The following INPP4B variants were observed in gnomAD, a reference collection of about 807,000 sequenced individuals.
INPP4B encodes inositol polyphosphate-4-phosphatase type II B, also known as inositol polyphosphate 4-phosphatase type II.
A neutral mutation model predicts 122.5 loss-of-function variants in INPP4B; 55 were observed. That is an observed-to-expected ratio of 0.45 (90% CI 0.36 to 0.56). The LOEUF is 0.56. Ranked by LOEUF, INPP4B falls within the 20% of genes least tolerant of loss-of-function variation. The probability of loss-of-function intolerance (pLI) is 0.00; values close to 1 mark genes in which losing one functional copy is unlikely to be tolerated. For missense variants in INPP4B, 1,000 were observed against 1,097.7 expected (o/e 0.91, Z 1.26); for synonymous variants, 403 against 388.7 (o/e 1.04, Z -0.43).
chr4:142,253,666 C>T (rs1733803192), intron 11 of INPP4B, among the ~76,000 whole-genome samples: 1 of 152,212 alleles, frequency 6.6e-6, no homozygotes, highest in Admixed American at 6.5e-5. Context: ...AAACGGCGCA[C>T]CAGGAGATTA....
chr4:142,564,439 C>CAAAAAA (rs199803105), intron 2 of INPP4B, among the ~76,000 whole-genome samples: 453 of 97,680 alleles, frequency 4.6e-3, no homozygotes, highest in East Asian at 0.012. Flanking sequence ...TAAGGAATGG[C>CAAAAAA]AAAAAAAAAA....
intron 1 of INPP4B, among the ~76,000 whole-genome samples, chr4:142,820,092 G>T (rs989106874): frequency 6.6e-6 from 1 of 152,054 alleles, no homozygotes; most frequent in Admixed American, 6.5e-5. Context: ...GTACCTCCAG[G>T]TTAGGCTATT....
At chr4:142,420,999 A>G (rs1806758713) in intron 5 of INPP4B, among the ~76,000 whole-genome samples, 1 of 152,140 alleles carries the variant, frequency 6.6e-6, no homozygotes. Context: ...GTAAATAGTA[A>G]TATCCTTCCC....
chr4:142,837,833 A>G (rs1417879679), intron 1 of INPP4B, among the ~76,000 whole-genome samples: 1 of 152,066 alleles, frequency 6.6e-6, no homozygotes, highest in Non-Finnish European at 1.5e-5. Context: ...ACTCCTAAGA[A>G]AAATAATGAG....
At chr4:142,670,068 G>A (rs377315745) in intron 2 of INPP4B, among the ~76,000 whole-genome samples, 30 of 152,170 alleles carry the variant, frequency 2.0e-4, no homozygotes, top group East Asian at 9.7e-4. Context: ...GTTTGAAATC[G>A]CATGCTTTGT....
intron 1 of INPP4B, among the ~76,000 whole-genome samples, chr4:142,836,639 GA>G (rs1782812717): frequency 6.7e-6 from 1 of 150,342 alleles, no homozygotes; most frequent in African/African-American, 2.5e-5. Context: ...AATTATTAAA[GA>G]ATTAGATATA....
At chr4:142,422,114 A>G (rs1807025949) in intron 5 of INPP4B, among the ~76,000 whole-genome samples, 1 of 152,118 alleles carries the variant, frequency 6.6e-6, no homozygotes, top group South Asian at 2.1e-4. Flanking sequence ...GAGATATTAT[A>G]GTATGAACTC....
intron 2 of INPP4B, among the ~76,000 whole-genome samples, chr4:142,634,828 G>A (rs1220831904): frequency 1.3e-5 from 2 of 151,688 alleles, no homozygotes; most frequent in East Asian, 3.9e-4. Flanking sequence ...AATAACATAA[G>A]AAAAACAATA....
At chr4:142,131,162 T>C (rs1801058795) in intron 18 of INPP4B, among the ~76,000 whole-genome samples, 1 of 152,216 alleles carries the variant, frequency 6.6e-6, no homozygotes, top group Non-Finnish European at 1.5e-5. Context: ...AACTGTAATC[T>C]CAGGATTCTG....
At chr4:142,552,755 T>C (rs1029564146) in intron 2 of INPP4B, among the ~76,000 whole-genome samples, 2 of 152,162 alleles carry the variant, frequency 1.3e-5, no homozygotes, top group African/African-American at 4.8e-5. Context: ...TTACAGCAGC[T>C]CCACAGGTAG....
At chr4:142,063,756 G>A (rs984636329) in intron 25 of INPP4B, among the ~76,000 whole-genome samples, 2 of 152,058 alleles carry the variant, frequency 1.3e-5, no homozygotes, top group African/African-American at 4.8e-5. Context: ...CTAGTGCCAA[G>A]GTTATTAGTG....
chr4:142,534,335 A>T (rs1429033687), intron 2 of INPP4B, among the ~76,000 whole-genome samples: 2 of 152,108 alleles, frequency 1.3e-5, no homozygotes, highest in Non-Finnish European at 2.9e-5. Context: ...GTATTAAGAG[A>T]TGTTGCCTTT....
chr4:142,122,752 T>G (rs1343273445), intron 20 of INPP4B, among the ~76,000 whole-genome samples: 1 of 152,076 alleles, frequency 6.6e-6, no homozygotes. Context: ...TTTAAAAGAG[T>G]GAAATTAAAA....
chr4:142,232,817 A>G (rs1448639628), intron 12 of INPP4B, among the ~76,000 whole-genome samples: 1 of 152,096 alleles, frequency 6.6e-6, no homozygotes, highest in Non-Finnish European at 1.5e-5. Context: ...AATAATAAGA[A>G]AGCAAAACAG....
At chr4:142,253,087 C>A (rs142179793) in intron 11 of INPP4B, among the ~76,000 whole-genome samples, 1 of 151,914 alleles carries the variant, frequency 6.6e-6, no homozygotes. Flanking sequence ...TATTTATGTA[C>A]CTAAACATAT....
intron 12 of INPP4B, among the ~76,000 whole-genome samples, chr4:142,215,676 G>A (rs1365523065): frequency 6.6e-6 from 1 of 151,734 alleles, no homozygotes; most frequent in Non-Finnish European, 1.5e-5. Flanking sequence ...GGCAGATCAC[G>A]AGGTCAGGAG....
At chr4:142,183,540 T>C (rs1232513175) in intron 15 of INPP4B, among the ~76,000 whole-genome samples, 1 of 128,298 alleles carries the variant, frequency 7.8e-6, no homozygotes, top group Non-Finnish European at 1.6e-5. Flanking sequence ...ATTTTATTTG[T>C]AGATGACTGG....
chr4:142,544,364 T>C (rs550271903), intron 2 of INPP4B, among the ~76,000 whole-genome samples: 2 of 152,064 alleles, frequency 1.3e-5, no homozygotes, highest in East Asian at 3.9e-4. Flanking sequence ...GAGGTGCTTC[T>C]TCTCAGTGGA....
intron 3 of INPP4B, among the ~76,000 whole-genome samples, chr4:142,448,420 G>T (rs777575828): frequency 6.7e-6 from 1 of 149,424 alleles, no homozygotes; most frequent in South Asian, 2.1e-4. Context: ...ACTTGTTCAC[G>T]TCACAACAAT....
Sources: allele counts gnomAD v4.1 joint callset (sites outside exome capture counted in the v4.1 genomes callset), GRCh38; gene constraint gnomAD v4.1.1; transcripts MANE v1.5; gene names NCBI Gene and HGNC (gene_info 2026-07-23, HGNC 2026-07-21).